The following NBEA variants were observed in gnomAD, a reference collection of about 807,000 sequenced individuals.
NBEA encodes lysosomal-trafficking regulator 2.
A neutral mutation model predicts 343.4 loss-of-function variants in NBEA; 44 were observed. That is an observed-to-expected ratio of 0.13 (90% CI 0.10 to 0.16). NBEA has a LOEUF of 0.16. NBEA is among the 10% of genes least tolerant of loss of function. The pLI, the probability that NBEA is intolerant of heterozygous loss-of-function variation, is 1.00. For missense variants in NBEA, 2,555 were observed against 3,631.3 expected (o/e 0.70, Z 7.62); for synonymous variants, 1,175 against 1,238.7 (o/e 0.95, Z 1.08).
At chr13:35,462,339 GA>G (rs2046955053) in intron 40 of NBEA, among the ~76,000 whole-genome samples, 1 of 152,190 alleles carries the variant, frequency 6.6e-6, no homozygotes, top group Admixed American at 6.5e-5. Context: ...ATGGATTCTG[GA>G]AAGCCTTTAT....
chr13:35,597,617 A>G (rs181848245), intron 47 of NBEA, among the ~76,000 whole-genome samples: 293 of 152,218 alleles, frequency 1.9e-3, no homozygotes, highest in Admixed American at 3.1e-3. Flanking sequence ...CATTAACCCT[A>G]TTTTGTAAAG....
At chr13:35,447,929 T>G (rs2046129719) in intron 39 of NBEA, among the ~76,000 whole-genome samples, 2 of 152,186 alleles carry the variant, frequency 1.3e-5, no homozygotes, top group East Asian at 3.9e-4. Flanking sequence ...GAGACAGCCC[T>G]TTGAGACCTT....
At chr13:35,349,448 C>G (rs989069158) in intron 37 of NBEA, among the ~76,000 whole-genome samples, 1 of 151,982 alleles carries the variant, frequency 6.6e-6, no homozygotes, top group African/African-American at 2.4e-5. Flanking sequence ...ATTTGGTAGA[C>G]TGAAGTTATT....
intron 36 of NBEA, among the ~76,000 whole-genome samples, chr13:35,345,220 T>C (rs2039805597): frequency 6.6e-6 from 1 of 152,058 alleles, no homozygotes; most frequent in Non-Finnish European, 1.5e-5. Context: ...AAGAATACTC[T>C]TAGCAAATTA....
At chr13:35,359,759 G>A (rs544213991) in intron 38 of NBEA, among the ~76,000 whole-genome samples, 123 of 151,728 alleles carry the variant, frequency 8.1e-4, no homozygotes, top group Non-Finnish European at 1.5e-3. Context: ...CTTAAACTAC[G>A]TAAGCCATAC....
intron 25 of NBEA, among the ~76,000 whole-genome samples, chr13:35,169,889 TAATG>T (rs888063507): frequency 6.6e-6 from 1 of 151,794 alleles, no homozygotes; most frequent in Non-Finnish European, 1.5e-5. Flanking sequence ...AAAATCCAAG[TAATG>T]AATTAATCAT....
chr13:35,451,473 C>A (rs1463731674), intron 39 of NBEA, among the ~76,000 whole-genome samples: 1 of 152,098 alleles, frequency 6.6e-6, no homozygotes, highest in African/African-American at 2.4e-5. Flanking sequence ...TTCAGAAAAA[C>A]CAGTATTTAT....
chr13:35,415,749 A>C, intron 38 of NBEA, among the ~76,000 whole-genome samples: 1 of 152,086 alleles, frequency 6.6e-6, no homozygotes. Context: ...ACTTTAAAGT[A>C]GTTTTTTCCA....
intron 48 of NBEA, among the ~76,000 whole-genome samples, chr13:35,613,051 G>T (rs1158303299): frequency 1.3e-4 from 19 of 150,348 alleles, no homozygotes; most frequent in Admixed American, 1.3e-3. Context: ...TTGCTTTGTG[G>T]TAAGAACATT....
chr13:35,572,323 T>C (rs67374407), intron 45 of NBEA, among the ~76,000 whole-genome samples: 26,559 of 152,126 alleles, frequency 0.17, 2,506 homozygotes, highest in South Asian at 0.22. Flanking sequence ...AAAGTGTAAA[T>C]AGAATTTTCC....
At chr13:35,281,852 ATTGT>A (rs2035072454) in intron 34 of NBEA, among the ~76,000 whole-genome samples, 1 of 152,044 alleles carries the variant, frequency 6.6e-6, no homozygotes. Flanking sequence ...CTGTATACAA[ATTGT>A]TCGTGTATAC....
chr13:35,666,169 A>T (rs1325007743), intron 56 of NBEA, among the ~76,000 whole-genome samples: 2 of 140,564 alleles, frequency 1.4e-5, no homozygotes, highest in Middle Eastern at 3.4e-3. Context: ...ATTTTTTTTT[A>T]AATGAGTATA....
intron 34 of NBEA, among the ~76,000 whole-genome samples, chr13:35,242,881 G>C (rs2030561132): frequency 6.6e-6 from 1 of 151,764 alleles, no homozygotes; most frequent in Admixed American, 6.6e-5. Flanking sequence ...ATTACTACTA[G>C]ATCTAACCTA....
Position 35,309,594 on chromosome 13 carries a change from T to A in NBEA, c.5903+2T>A. 6.4e-7 allele frequency: 1 copy of A among 1,558,312 alleles called. No homozygotes were observed. ...TATTGAGCTCATCAATGAAGGAAGGTAATTAATTTTACAATTTTAGACAAC... is the reference window on the plus strand; with the variant it reads ...TATTGAGCTCATCAATGAAGGAAGGAAATTAATTTTACAATTTTAGACAAC... On this transcript the variant is annotated splice_donor_variant, in intron 36 of 58. Coordinates refer to ENST00000379939, the MANE Select transcript of NBEA (RefSeq NM_001385012.1). LOFTEE classifies it high-confidence loss of function.
chr13:35,132,525 C>G (rs901755924), intron 17 of NBEA, among the ~76,000 whole-genome samples: 5 of 152,124 alleles, frequency 3.3e-5, no homozygotes, highest in Non-Finnish European at 7.4e-5. Flanking sequence ...GATGAATGGA[C>G]AAACAAAATG....
intron 38 of NBEA, among the ~76,000 whole-genome samples, chr13:35,379,086 T>G (rs1295173509): frequency 6.6e-5 from 10 of 150,734 alleles, no homozygotes; most frequent in African/African-American, 2.2e-4. Context: ...ACATATTTGT[T>G]TTTTTTTTTA....
intron 17 of NBEA, among the ~76,000 whole-genome samples, chr13:35,130,725 A>G (rs937239648): frequency 5.9e-5 from 9 of 151,974 alleles, no homozygotes; most frequent in African/African-American, 2.2e-4. Flanking sequence ...TCAAACACAC[A>G]AAACTATAGA....
intron 38 of NBEA, among the ~76,000 whole-genome samples, chr13:35,387,813 T>A (rs1394978264): frequency 6.6e-6 from 1 of 152,158 alleles, no homozygotes; most frequent in Non-Finnish European, 1.5e-5. Context: ...GTGAGTGTCA[T>A]CTTTCAGCCA....
chr13:35,425,894 T>C (rs969605065), intron 38 of NBEA, among the ~76,000 whole-genome samples: 4 of 152,198 alleles, frequency 2.6e-5, no homozygotes, highest in African/African-American at 9.6e-5. Context: ...CCCTTTACCA[T>C]TATGTAATGG....
Sources: gnomAD v4.1 joint callset for allele counts (sites outside exome capture counted in the v4.1 genomes callset) on GRCh38, gnomAD v4.1.1 for gene constraint, MANE v1.5 for transcripts, NCBI Gene and HGNC (gene_info 2026-07-23, HGNC 2026-07-21) for gene names.